The following LRRN2 variants were observed in gnomAD, a reference collection of about 807,000 sequenced individuals.
LRRN2 encodes the protein leucine-rich repeat neuronal protein 2.
LRRN2 carries 10 observed loss-of-function variants against 35.7 expected under a neutral mutation model. The observed-to-expected ratio is 0.28, with a 90% CI of 0.17 to 0.47. LRRN2 has a LOEUF of 0.47. Ranked by LOEUF, LRRN2 falls within the 20% of genes least tolerant of loss-of-function variation. The probability of loss-of-function intolerance (pLI) is 0.99; values close to 1 mark genes in which losing one functional copy is unlikely to be tolerated. For missense variants in LRRN2, 731 were observed against 940.3 expected, an observed-to-expected ratio of 0.78 and a Z score of 2.91; for synonymous variants, 391 against 409.6, an observed-to-expected ratio of 0.95 and a Z score of 0.55.
At chr1:204,644,825 G>A (rs903008731) in intron 1 of LRRN2, among the ~76,000 whole-genome samples, 2 of 152,154 alleles carry the variant, frequency 1.3e-5, no homozygotes, top group African/African-American at 2.4e-5. Flanking sequence ...TGGTTCCCAG[G>A]GCTAGCAGTG....
At chr1:204,668,646 C>T (rs188898737) in intron 1 of LRRN2, among the ~76,000 whole-genome samples, 59 of 152,312 alleles carry the variant, frequency 3.9e-4, no homozygotes, top group Non-Finnish European at 6.8e-4. Context: ...TCTAGCTCTT[C>T]ACTGATCAGC....
chr1:204,677,611 G>A (rs905236431), intron 1 of LRRN2, among the ~76,000 whole-genome samples: 4 of 152,186 alleles, frequency 2.6e-5, no homozygotes, highest in African/African-American at 9.7e-5. Flanking sequence ...GCTGCAGCCT[G>A]GGTAGATACA....
intron 1 of LRRN2, among the ~76,000 whole-genome samples, chr1:204,643,410 G>A (rs1250273400): frequency 6.6e-6 from 1 of 152,116 alleles, no homozygotes; most frequent in Admixed American, 6.5e-5. Context: ...AGGGGTCTGT[G>A]GCCTCCCAAA....
At chr1:204,670,947 T>G (rs576286427) in intron 1 of LRRN2, among the ~76,000 whole-genome samples, 1 of 152,148 alleles carries the variant, frequency 6.6e-6, no homozygotes, top group African/African-American at 2.4e-5. Context: ...TGGCAGCAAG[T>G]GGAGTCGGGC....
intron 1 of LRRN2, chr1:204,683,042 T>C (rs1668988478): frequency 1.3e-5 from 2 of 152,242 alleles, no homozygotes; most frequent in Admixed American, 1.3e-4. Flanking sequence ...GAAACAGTTG[T>C]TGAATGAATA....
intron 1 of LRRN2, among the ~76,000 whole-genome samples, chr1:204,631,385 CTTATCCA>C (rs1667701482): frequency 6.8e-6 from 1 of 146,036 alleles, no homozygotes; most frequent in Non-Finnish European, 1.5e-5. Context: ...CAAGGGAACT[CTTATCCA>C]TTGAGCATGA....
chr1:204,648,763 C>T (rs1340479939), intron 1 of LRRN2, among the ~76,000 whole-genome samples: 2 of 152,214 alleles, frequency 1.3e-5, no homozygotes, highest in Non-Finnish European at 2.9e-5. Context: ...CAGGACCACA[C>T]AGTCTAGTGG....
chr1:204,622,925 GT>G (rs1322891011), intron 1 of LRRN2, among the ~76,000 whole-genome samples: 1 of 152,190 alleles, frequency 6.6e-6, no homozygotes, highest in African/African-American at 2.4e-5. Context: ...TTAAATGAGT[GT>G]GTTGCACACA....
chr1:204,684,356 G>C (rs1669019732), intron 1 of LRRN2, among the ~76,000 whole-genome samples: 1 of 152,158 alleles, frequency 6.6e-6, no homozygotes, highest in African/African-American at 2.4e-5. Context: ...GGGAGCTGCG[G>C]CAGCCTGAGG....
chr1:204,637,162 TG>T (rs1305869917), intron 1 of LRRN2, among the ~76,000 whole-genome samples: 5 of 152,296 alleles, frequency 3.3e-5, no homozygotes, highest in South Asian at 2.1e-4. Flanking sequence ...AATAAAGTAT[TG>T]GGGGGAAAAT....
At chr1:204,673,833 AT>A (rs766663269) in intron 1 of LRRN2, among the ~76,000 whole-genome samples, 8 of 151,944 alleles carry the variant, frequency 5.3e-5, no homozygotes, top group Non-Finnish European at 7.4e-5. Context: ...CTGGCATTTC[AT>A]TTAGGGCTGC....
At chr1:204,656,551 G>A (rs933512070) in intron 1 of LRRN2, among the ~76,000 whole-genome samples, 1 of 152,118 alleles carries the variant, frequency 6.6e-6, no homozygotes. Flanking sequence ...AAAGAGCTAA[G>A]TTTCTTGAAA....
At chr1:204,631,262 A>C (rs1667689824) in intron 1 of LRRN2, among the ~76,000 whole-genome samples, 1 of 37,930 alleles carries the variant, frequency 2.6e-5, no homozygotes, top group African/African-American at 9.0e-5. Flanking sequence ...TGTTCTATAT[A>C]TATATATATA....
chr1:204,675,176 G>A (rs915583513), intron 1 of LRRN2, among the ~76,000 whole-genome samples: 5 of 152,092 alleles, frequency 3.3e-5, no homozygotes, highest in Admixed American at 1.3e-4. Context: ...CAGGCTTCTC[G>A]GAGCCACCGA....
intron 1 of LRRN2, among the ~76,000 whole-genome samples, chr1:204,643,235 T>C (rs1217283515): frequency 1.3e-5 from 2 of 152,206 alleles, no homozygotes; most frequent in Non-Finnish European, 2.9e-5. Context: ...TATAAATGTG[T>C]TCCCCCAGCA....
chr1:204,656,895 AATC>A (rs1668368283), intron 1 of LRRN2, among the ~76,000 whole-genome samples: 1 of 152,244 alleles, frequency 6.6e-6, no homozygotes, highest in African/African-American at 2.4e-5. Context: ...TCTGCAAAGT[AATC>A]ATCTTCATTG....
chr1:204,641,157 A>G (rs2102601633), intron 1 of LRRN2, among the ~76,000 whole-genome samples: 1 of 152,312 alleles, frequency 6.6e-6, no homozygotes, highest in Non-Finnish European at 1.5e-5. Context: ...TTACACAAAA[A>G]ATATTTCTGC....
intron 1 of LRRN2, among the ~76,000 whole-genome samples, chr1:204,642,859 G>A (rs953667353): frequency 6.6e-6 from 1 of 152,152 alleles, no homozygotes; most frequent in South Asian, 2.1e-4. Context: ...TGCAGCAACG[G>A]GCTCTTCTAC....
intron 1 of LRRN2, among the ~76,000 whole-genome samples, chr1:204,647,211 T>C (rs1307133083): frequency 6.6e-6 from 1 of 150,702 alleles, no homozygotes; most frequent in Non-Finnish European, 1.5e-5. Context: ...TTAAAGAGAC[T>C]GGTCTGGCAG....
Sources: gnomAD v4.1 joint callset for allele counts (sites outside exome capture counted in the v4.1 genomes callset) on GRCh38, gnomAD v4.1.1 for gene constraint, MANE v1.5 for transcripts, NCBI Gene and HGNC (gene_info 2026-07-23, HGNC 2026-07-21) for gene names.